Variants in ITIH5 observed in about 807,000 individuals in gnomAD.
ITIH5 encodes inter-alpha-trypsin inhibitor heavy chain H5.
In ITIH5, 65 loss-of-function variants were observed where a neutral mutation model predicts 77.5. The ratio of observed to expected loss-of-function variants is 0.84; its 90% CI spans 0.69 to 1.03. ITIH5 has a LOEUF of 1.03. Among genes scored for constraint, ITIH5 ranks in the 50% least tolerant of loss-of-function variants. ITIH5 has a pLI of 0.00. For synonymous variants in ITIH5, 525 were observed against 494.3 expected (o/e 1.06, Z -0.82); for missense variants, 1,208 against 1,213.1 (o/e 1.00, Z 0.06).
intron 1 of ITIH5, among the ~76,000 whole-genome samples, chr10:7,662,175 C>T (rs1349589096): frequency 1.3e-5 from 2 of 151,976 alleles, no homozygotes; most frequent in African/African-American, 4.8e-5. Context: ...CTGGCCAACA[C>T]GGTAAAGCCC....
intron 7 of ITIH5, among the ~76,000 whole-genome samples, chr10:7,590,108 T>C (rs1044162242): frequency 4.6e-5 from 7 of 152,150 alleles, no homozygotes; most frequent in African/African-American, 1.7e-4. Context: ...CTTTTCTCCC[T>C]GCGTGTCCCA....
intron 7 of ITIH5, among the ~76,000 whole-genome samples, chr10:7,587,801 T>G (rs1443698734): frequency 6.6e-6 from 1 of 152,174 alleles, no homozygotes; most frequent in East Asian, 1.9e-4. Flanking sequence ...ATGTGCTAAG[T>G]GGCTCTGGGA....
Position 7,559,947 on chromosome 10 carries a change from G to A in ITIH5, c.*3136C>T, listed in dbSNP as rs1043057132. On this transcript the variant is annotated 3_prime_UTR_variant, in exon 14 of 14. Transcript: ENST00000397146. Reference sequence around the variant, plus strand: ...GCTCACTACAAGTTCCGACTGCCTGGTTCAAGCGATTCTCCTGCCTCAGCC... The same window carrying A: ...GCTCACTACAAGTTCCGACTGCCTGATTCAAGCGATTCTCCTGCCTCAGCC... 1 of 428,778 alleles carries A rather than the reference G, an allele frequency of 2.3e-6. No individual in the cohort carries two copies. The highest frequency in any genetic ancestry group is 4.6e-6 in the Non-Finnish European group (1 of 215,844). The allele number at this position is 428,778 out of a possible 1,614,324, so 26.6% of individuals were successfully genotyped here. A position where few individuals can be genotyped will look rare whatever the true frequency, so the allele number is the denominator to read the frequency against.
chr10:7,615,259 T>TAAATA (rs1564261440), intron 7 of ITIH5, among the ~76,000 whole-genome samples: 1 of 152,006 alleles, frequency 6.6e-6, no homozygotes, highest in African/African-American at 2.4e-5. Context: ...CTCAAAAAAA[T>TAAATA]AAATAAAATA....
At chr10:7,612,740 A>G (rs1315593641) in intron 7 of ITIH5, among the ~76,000 whole-genome samples, 1 of 151,942 alleles carries the variant, frequency 6.6e-6, no homozygotes, top group Non-Finnish European at 1.5e-5. Flanking sequence ...ATGCCTGAGG[A>G]AACCCAGCCC....
intron 8 of ITIH5, among the ~76,000 whole-genome samples, chr10:7,584,232 A>G (rs1442193898): frequency 6.6e-6 from 1 of 152,142 alleles, no homozygotes; most frequent in East Asian, 1.9e-4. Context: ...AAATAAAGGA[A>G]ACCCACAGGG....
chr10:7,573,100 C>T, intron 11 of ITIH5, 42 bp downstream of exon 11: 2 of 1,581,176 alleles, frequency 1.3e-6, no homozygotes. Context: ...TTTTAAACAT[C>T]TCTTACTCTC....
At position 7,559,727 on chromosome 10, in the gene ITIH5, G is replaced by T. The variant is rs1446213078; in HGVS notation, c.*3356C>A. 1.1e-5 allele frequency: 5 copies of T among 437,112 alleles called. No individual in the cohort carries two copies. The highest frequency in any genetic ancestry group is 2.3e-5 in the Non-Finnish European group (5 of 219,890). 27.1% of individuals were successfully genotyped at this position (437,112 alleles called of 1,614,324 possible). A position where few individuals can be genotyped will look rare whatever the true frequency, so the allele number is the denominator to read the frequency against. Reference sequence around the variant, plus strand: ...CAGTTCTGGAGGCTGGGAGGTCCAAGATCAAGGTGCCAGCAGACATGGTGT... The same window carrying T: ...CAGTTCTGGAGGCTGGGAGGTCCAATATCAAGGTGCCAGCAGACATGGTGT... On this transcript the variant is annotated 3_prime_UTR_variant, in exon 14 of 14. Transcript: ENST00000397146.
At chr10:7,620,749 T>C (rs2131042873) in intron 5 of ITIH5, 1 of 151,850 alleles carries the variant, frequency 6.6e-6, no homozygotes, top group South Asian at 2.1e-4. Context: ...GGATTAGGTG[T>C]GTCCAGAGCA....
intron 5 of ITIH5, chr10:7,620,575 G>C (rs567476307): frequency 2.6e-5 from 4 of 152,186 alleles, no homozygotes; most frequent in African/African-American, 9.6e-5. Flanking sequence ...CATTTGTACC[G>C]TTTATGGTGT....
intron 11 of ITIH5, chr10:7,572,416 A>C: frequency 7.3e-7 from 1 of 1,361,868 alleles, no homozygotes; most frequent in Non-Finnish European, 9.8e-7. Context: ...AAATGAAAAC[A>C]AAAACAAAGC....
intron 7 of ITIH5, among the ~76,000 whole-genome samples, chr10:7,607,006 G>A (rs1216845519): frequency 3.3e-5 from 5 of 152,120 alleles, no homozygotes; most frequent in Non-Finnish European, 7.4e-5. Context: ...ACAAAAACCA[G>A]TTTTCCCCAC....
intron 5 of ITIH5, among the ~76,000 whole-genome samples, chr10:7,627,924 C>T (rs1057130553): frequency 2.0e-5 from 3 of 147,756 alleles, no homozygotes; most frequent in Non-Finnish European, 4.4e-5. Context: ...TCAATGCAAC[C>T]TCCGCCTCCC....
At chr10:7,662,910 T>A (rs566792459) in intron 1 of ITIH5, among the ~76,000 whole-genome samples, 9 of 151,990 alleles carry the variant, frequency 5.9e-5, no homozygotes, top group Non-Finnish European at 1.3e-4. Context: ...TTTTGTTGTT[T>A]TTTTCCCCCC....
chr10:7,576,489 C>T lies in ITIH5; in HGVS notation c.1942G>A (p.Val648Met), dbSNP rs1331423652. 1.2e-6 allele frequency: 2 copies of T among 1,607,964 alleles called. No homozygotes were observed. The highest frequency in any genetic ancestry group is 1.7e-6 in the Non-Finnish European group (2 of 1,179,472). The change falls in exon 10 of 14, where the codon GTG (valine) becomes ATG (methionine). Residue 648 changes from valine (V) to methionine (M), a missense_variant. Transcript: ENST00000397146. ...CCAGCTCCTCGCACGCTCTGCACCA[C>T]CGGTTCGGGTCCCATGGCAGCCGAC... The part of the protein sequence containing the change: ...GMSAAMGPEP[V>M]VQSVRGAGTQ...
intron 5 of ITIH5, chr10:7,619,683 G>C (rs909046800): frequency 2.0e-5 from 5 of 244,636 alleles, no homozygotes; most frequent in Admixed American, 8.4e-5. Flanking sequence ...GACAGAACTG[G>C]GAAGCGCCGG....
intron 7 of ITIH5, among the ~76,000 whole-genome samples, chr10:7,615,717 G>A (rs909773006): frequency 6.6e-6 from 1 of 152,142 alleles, no homozygotes; most frequent in Admixed American, 6.5e-5. Flanking sequence ...ATGGATTCCT[G>A]TCTCACTTAC....
In ITIH5 at chr10:7,666,964, TGC is replaced by T; in HGVS notation, c.-74_-73del. On this transcript the variant is annotated 5_prime_UTR_variant, in exon 1 of 14. Transcript: ENST00000397146. ...TTGCAGCGCCCAGGGCTCCAGCCACTGCGGGACGCTCTCGGGGCCGCCCACCC... is the reference window on the plus strand; with the variant it reads ...TTGCAGCGCCCAGGGCTCCAGCCACTGGGACGCTCTCGGGGCCGCCCACCC... 8.0e-7 allele frequency: 1 copy of T among 1,248,324 alleles called. No homozygotes were observed. Among genetic ancestry groups the T allele is most frequent in the Middle Eastern group, 2.6e-4 (1 of 3,878 alleles). The allele number at this position is 1,248,324 out of a possible 1,614,324, so 77.3% of individuals were successfully genotyped here.
rs371890791 is a variant in ITIH5 at position 7,569,652 on chromosome 10, G to A, written c.2149+16C>T. ...CTGGTCCTTGCCCAGATGCTGCAGC[G>A]GAAGGTAGAACTTACCAGAGTCCCT... On this transcript the variant is annotated intron_variant, in intron 12 of 13. Coordinates refer to ENST00000397146, the MANE Select transcript of ITIH5 (RefSeq NM_030569.7). 3.0e-5 allele frequency: 46 copies of A among 1,536,566 alleles called. No homozygotes were observed. The highest frequency in any genetic ancestry group is 5.6e-5 in the Admixed American group (3 of 53,626).
Sources: allele counts gnomAD v4.1 joint callset (sites outside exome capture counted in the v4.1 genomes callset), GRCh38; gene constraint gnomAD v4.1.1; transcripts MANE v1.5; gene names NCBI Gene and HGNC (gene_info 2026-07-23, HGNC 2026-07-21).